The following NREP variants were observed in gnomAD, a reference collection of about 807,000 sequenced individuals.
NREP encodes the protein neuronal regeneration-related protein.
A neutral mutation model predicts 8.6 loss-of-function variants in NREP; 5 were observed. The ratio of observed to expected loss-of-function variants is 0.58; its 90% CI spans 0.30 to 1.22. The LOEUF is 1.22. Among genes scored for constraint, NREP ranks in the 50% most tolerant of loss-of-function variants. The pLI, the probability that NREP is intolerant of heterozygous loss-of-function variation, is 0.07. For missense variants in NREP, 86 were observed against 82.5 expected (o/e 1.04, Z -0.17); for synonymous variants, 27 against 28.0 (o/e 0.96, Z 0.11).
In NREP at chr5:111,729,629, C is replaced by A. The variant is rs1483975497; in HGVS notation, c.*1292G>T. The A allele has an allele frequency of 6.6e-6, 1 of 152,650 alleles. No homozygotes were observed. Among genetic ancestry groups the A allele is most frequent in the Non-Finnish European group, 1.5e-5 (1 of 68,042 alleles). 9.5% of individuals were successfully genotyped at this position (152,650 alleles called of 1,614,324 possible). A position where few individuals can be genotyped will look rare whatever the true frequency, so the allele number is the denominator to read the frequency against. ...CAGTCAGAAGCGAAACAGTTCAGAA[C>A]AAGGCCTGCCCTGTCAAAAGAAGAG... On this transcript the variant is annotated 3_prime_UTR_variant, in exon 4 of 4. Coordinates refer to ENST00000257435, the MANE Select transcript of NREP (RefSeq NM_004772.4).
intron 2 of NREP, among the ~76,000 whole-genome samples, chr5:111,877,350 T>C (rs974091091): frequency 6.6e-6 from 1 of 152,240 alleles, no homozygotes; most frequent in Admixed American, 6.5e-5. Flanking sequence ...TATCATGTTA[T>C]TCACACTCAT....
chr5:111,862,966 A>C (rs2112483945), intron 2 of NREP, among the ~76,000 whole-genome samples: 1 of 150,984 alleles, frequency 6.6e-6, no homozygotes, highest in East Asian at 1.9e-4. Flanking sequence ...AAGACATATG[A>C]AATATCTCGA....
chr5:111,976,376 A>G (rs1225486023), intron 1 of NREP, among the ~76,000 whole-genome samples: 1 of 152,168 alleles, frequency 6.6e-6, no homozygotes, highest in Admixed American at 6.5e-5. Context: ...TCTTTGCCAT[A>G]TCCAATCCCT....
intron 2 of NREP, among the ~76,000 whole-genome samples, chr5:111,952,136 T>C (rs1351726304): frequency 6.6e-6 from 1 of 152,076 alleles, no homozygotes; most frequent in Non-Finnish European, 1.5e-5. Flanking sequence ...ATCATACAAC[T>C]AAGTGTTTTC....
In NREP at chr5:111,734,514, TTTAAGA is replaced by T. The variant is rs1434859639; in HGVS notation, c.81+910_81+915del. Reference sequence around the variant, plus strand: ...AAATGCTCTGCAAGATTAAAAGTGATTTAAGATTGTTTTCTTTCAGTGCAAACTGCC... The same window carrying T: ...AAATGCTCTGCAAGATTAAAAGTGATTTGTTTTCTTTCAGTGCAAACTGCC... On this transcript the variant is annotated intron_variant, in intron 3 of 3. Transcript: ENST00000257435. 9.4e-6 allele frequency: 4 copies of T among 426,358 alleles called. No homozygotes were observed. In the East Asian group the frequency reaches 1.4e-4, roughly 15 times the overall value. 26.4% of individuals were successfully genotyped at this position (426,358 alleles called of 1,614,324 possible). A position where few individuals can be genotyped will look rare whatever the true frequency, so the allele number is the denominator to read the frequency against.
At chr5:111,758,402 C>T (rs1377292513), upstream of NREP, among the ~76,000 whole-genome samples, 1 of 152,216 alleles carries the variant, frequency 6.6e-6, no homozygotes, top group African/African-American at 2.4e-5. Flanking sequence ...AAGTGCTTTG[C>T]CATTTCTGAT....
intron 2 of NREP, among the ~76,000 whole-genome samples, chr5:111,780,611 A>T (rs573900903): frequency 6.6e-6 from 1 of 152,308 alleles, no homozygotes; most frequent in Admixed American, 6.5e-5. Flanking sequence ...TATGTAAATC[A>T]TGGAAGGAGA....
intron 2 of NREP, among the ~76,000 whole-genome samples, chr5:111,844,866 T>A (rs1162191243): frequency 6.6e-6 from 1 of 151,402 alleles, no homozygotes; most frequent in Non-Finnish European, 1.5e-5. Context: ...TTGTGCATAC[T>A]AAATTCTCGA....
intron 2 of NREP, among the ~76,000 whole-genome samples, chr5:111,918,151 G>T (rs894561177): frequency 3.3e-5 from 5 of 152,044 alleles, no homozygotes; most frequent in Non-Finnish European, 7.4e-5. Flanking sequence ...AACTTACAAG[G>T]CATGTGAAGG....
At chr5:111,819,535 A>G (rs1752469999) in intron 2 of NREP, among the ~76,000 whole-genome samples, 1 of 152,188 alleles carries the variant, frequency 6.6e-6, no homozygotes, top group Non-Finnish European at 1.5e-5. Context: ...CCAAGGAACA[A>G]GCATTTTGCT....
chr5:111,758,777 C>G (rs750729059), upstream of NREP, among the ~76,000 whole-genome samples: 8 of 152,162 alleles, frequency 5.3e-5, no homozygotes, highest in South Asian at 4.1e-4. Flanking sequence ...AATAGCAAAC[C>G]TTAAAAAGCA....
intron 2 of NREP, among the ~76,000 whole-genome samples, chr5:111,893,582 A>T (rs1259031395): frequency 6.6e-6 from 1 of 151,404 alleles, no homozygotes; most frequent in Non-Finnish European, 1.5e-5. Flanking sequence ...AGGCCAAATA[A>T]AAAGTTGCAT....
chr5:111,850,787 G>C (rs1428680759), intron 2 of NREP, among the ~76,000 whole-genome samples: 4 of 152,050 alleles, frequency 2.6e-5, no homozygotes, highest in Non-Finnish European at 4.4e-5. Context: ...TTCCCTTCAA[G>C]AACTGATGGA....
intron 2 of NREP, among the ~76,000 whole-genome samples, chr5:111,959,348 G>A (rs1041395632): frequency 1.3e-5 from 2 of 151,914 alleles, no homozygotes; most frequent in African/African-American, 4.8e-5. Flanking sequence ...AGGAGTATAA[G>A]GCAGCCTCTG....
chr5:111,808,324 C>A (rs559626258), intron 2 of NREP, among the ~76,000 whole-genome samples: 6 of 152,190 alleles, frequency 3.9e-5, no homozygotes, highest in East Asian at 1.9e-4. Context: ...TCAGGCAGAA[C>A]TGTATCTCCT....
Position 111,809,213 on chromosome 5 carries a change from A to G in NREP, c.136-73706T>C, listed in dbSNP as rs75576763. Among the ~76,000 whole-genome samples, 799 of 152,218 alleles carry G rather than the reference A, an allele frequency of 5.2e-3. 10 individuals carry two copies. The highest frequency in any genetic ancestry group is 0.018 in the African/African-American group (764 of 41,526). ...ATCTTCCACTCAAAATAGGCCAGTTACCTTATTTTAGATTTATATGACTCT... is the reference window on the plus strand; with the variant it reads ...ATCTTCCACTCAAAATAGGCCAGTTGCCTTATTTTAGATTTATATGACTCT... On this transcript the variant is annotated intron_variant, in intron 2 of 3. Coordinates refer to the NREP transcript ENST00000395634.
Position 111,881,563 on chromosome 5 carries a change from T to C in NREP, c.135+93711A>G, listed in dbSNP as rs529118471. The stretch of plus-strand genomic sequence containing the variant: ...CCTGACCCCTGACCCCCAAGCAGTC[T>C]AACTGGGAGGCACCCCCCAGTAGGG... On this transcript the variant is annotated intron_variant, in intron 2 of 3. Transcript: ENST00000395634. Among the ~76,000 whole-genome samples, 3 of 152,220 alleles carry C rather than the reference T, an allele frequency of 2.0e-5. 1 individual carries two copies. In the South Asian group the frequency reaches 6.2e-4, roughly 32 times the overall value.
intron 2 of NREP, among the ~76,000 whole-genome samples, chr5:111,748,856 G>C (rs537271932): frequency 2.0e-5 from 3 of 152,220 alleles, no homozygotes; most frequent in Admixed American, 2.0e-4. Flanking sequence ...ATACAACCTC[G>C]GAGGGTAGAA....
intron 2 of NREP, among the ~76,000 whole-genome samples, chr5:111,776,091 C>T (rs1459680174): frequency 1.3e-5 from 2 of 152,118 alleles, no homozygotes; most frequent in East Asian, 3.8e-4. Context: ...TCAAACCCTG[C>T]CAGGAGCAGT....
Sources: gnomAD v4.1 joint callset for allele counts (sites outside exome capture counted in the v4.1 genomes callset) on GRCh38, gnomAD v4.1.1 for gene constraint, MANE v1.5 for transcripts, NCBI Gene and HGNC (gene_info 2026-07-23, HGNC 2026-07-21) for gene names.